Variants in BEST2 observed in about 807,000 individuals in gnomAD.
BEST2 encodes bestrophin-2a.
Under a neutral mutation model 49.0 loss-of-function variants are expected in BEST2, and 36 were observed. That is an observed-to-expected ratio of 0.73 (90% confidence interval 0.56 to 0.97). The LOEUF (loss-of-function observed/expected upper bound fraction) is 0.97, where lower values mean the gene tolerates loss of function less well. BEST2 is among the 50% of genes least tolerant of loss of function. The pLI, the probability that BEST2 is intolerant of heterozygous loss-of-function variation, is 0.00. For missense variants in BEST2, 672 were observed against 710.0 expected (o/e 0.95, Z 0.61); for synonymous variants, 335 against 304.4 (o/e 1.10, Z -1.05).
At position 12,757,754 on chromosome 19, in the gene BEST2, G is replaced by A. The variant is rs773939183; in HGVS notation, c.1207G>A (p.Gly403Ser). ...GCAGCGCCTCCTGCCGGCGGGCGCG[G>A]GCATGGTCGCGGGAGGCCCGCTGGG... ...FLQRLLPAGAGMVAGGPLGRR... is the reference protein window; with the variant it reads ...FLQRLLPAGASMVAGGPLGRR... The change falls in exon 10 of 10, where the codon GGC becomes AGC. Residue 403 changes from glycine to serine, a missense_variant. Physicochemically the swap from Gly to Ser is moderately conservative, Grantham distance 56. Around this residue, in one of 3 missense-constraint regions of BEST2, gnomAD observed 291 missense variants for 279.8 expected, o/e 1.04. Coordinates refer to ENST00000553030, the MANE Select transcript of BEST2 (RefSeq NM_017682.3). 1.9e-6 allele frequency: 3 copies of A among 1,544,500 alleles called. No homozygotes were observed. In the South Asian group the frequency reaches 3.6e-5, roughly 18 times the overall value.
At position 12,755,626 on chromosome 19, in the gene BEST2, C is replaced by A. The variant is rs200734846; in HGVS notation, c.726C>A (p.Ile242=). 2.5e-6 allele frequency: 4 copies of A among 1,613,854 alleles called. No individual in the cohort carries two copies. Among genetic ancestry groups the A allele is most frequent in the Non-Finnish European group, 1.7e-6 (2 of 1,179,954 alleles). Residue 242 remains isoleucine (I), a synonymous_variant, in exon 7 of 10, where the codon ATC becomes ATA. Transcript: ENST00000553030. This position sits in a 1 kb window ranked among gnomAD's most constrained non-coding sequence, Gnocchi z 4.4. The part of the protein sequence containing the change: ...VPLVYTQVVT[I]ALYSYFLACL... ...CCCGCCCTGCCCAGGTGGTGACCAT[C>A]GCACTGTACAGCTACTTCCTGGCTT...
At chr19:12,757,100 G>A (rs1195479156) in intron 9 of BEST2, among the ~76,000 whole-genome samples, 2 of 151,430 alleles carry the variant, frequency 1.3e-5, no homozygotes, top group East Asian at 1.9e-4. Flanking sequence ...CCGAGATTGC[G>A]CCATTGCACT....
intron 9 of BEST2, chr19:12,756,618 A>C (rs922387733): frequency 6.3e-6 from 2 of 316,296 alleles, no homozygotes; most frequent in South Asian, 3.7e-5. Context: ...CTGAGGCAGG[A>C]GGATCCTTTG....
chr19:12,753,379 G>C (rs370586141), intron 3 of BEST2, 25 bp downstream of exon 3: 5 of 1,602,330 alleles, frequency 3.1e-6, no homozygotes, highest in Non-Finnish European at 4.3e-6. Context: ...CAAGTCCCCC[G>C]TTCCCATGTC....
In BEST2 at chr19:12,755,167, G is replaced by C; in HGVS notation, c.636+136G>C. The C allele has an allele frequency of 8.2e-7, 1 of 1,214,986 alleles. No individual in the cohort carries two copies. The highest frequency in any genetic ancestry group is 1.1e-6 in the Non-Finnish European group (1 of 884,856). The allele number at this position is 1,214,986 out of a possible 1,614,324, so 75.3% of individuals were successfully genotyped here. The stretch of plus-strand genomic sequence containing the variant: ...TCACCAGGTGCACTCTTACCTCCAT[G>C]GGGCTGATTCCAATGCCCTTGAGGG... On this transcript the variant is annotated intron_variant, in intron 5 of 9. Transcript: ENST00000553030. The surrounding 1 kb of genome is among the most constrained non-coding windows in gnomAD (Gnocchi z 4.4).
intron 2 of BEST2, 141 bp from the exon 3 acceptor site, chr19:12,753,119 G>A: frequency 2.5e-6 from 2 of 786,180 alleles, no homozygotes; most frequent in South Asian, 3.3e-5. Flanking sequence ...CCAAAGTGCT[G>A]GGATTACAGG....
At chr19:12,757,584 G>T in intron 9 of BEST2, 67 bp from the exon 10 acceptor site, 1 of 1,475,990 alleles carries the variant, frequency 6.8e-7, no homozygotes. Flanking sequence ...GGAAATCAGC[G>T]CGCCTGGGAC....
chr19:12,752,571 G>A lies in BEST2; in HGVS notation c.-22G>A. On this transcript the variant is annotated 5_prime_UTR_variant, in exon 2 of 10. Coordinates refer to ENST00000553030, the MANE Select transcript of BEST2 (RefSeq NM_017682.3). ...CACCCGGGCCACCCACTCTCCCTTG[G>A]CCACACCTGCCGGGTGCCACGATGA... 1 of 1,609,192 alleles carries A rather than the reference G, an allele frequency of 6.2e-7. No individual in the cohort carries two copies. The highest frequency in any genetic ancestry group is 8.5e-7 in the Non-Finnish European group (1 of 1,178,610).
In BEST2 at chr19:12,754,765, T is replaced by C; in HGVS notation, c.461T>C (p.Ile154Thr). 5 of 1,586,700 alleles carry C rather than the reference T, an allele frequency of 3.2e-6. No homozygotes were observed. The highest frequency in any genetic ancestry group is 1.3e-5 in the African/African-American group (1 of 74,556). Residue 154 changes from isoleucine to threonine, a missense_variant, in exon 4 of 10, where the codon ATA (isoleucine) becomes ACA (threonine). By Grantham distance (89) the Ile-to-Thr change is moderately conservative. Around this residue, in one of 3 missense-constraint regions of BEST2, gnomAD observed 365 missense variants for 390.9 expected, o/e 0.93. Transcript: ENST00000553030. The part of the protein sequence containing the change: ...STAVFKRFPT[I>T]DHVVEAGFMT... The stretch of plus-strand genomic sequence containing the variant: ...GCGGTGTTCAAGCGCTTCCCCACCA[T>C]AGACCACGTGGTGGAGGCTGGTGAG...
Position 12,754,924 on chromosome 19 carries a change from T to C in BEST2, c.529T>C (p.Ser177Pro), listed in dbSNP as rs1967919476. The part of the protein sequence containing the change: ...ERKKFENLNS[S>P]YNKYWVPCVW... ...CAAGAAGTTTGAAAACCTGAACTCATCCTACAACAAGTACTGGGTGCCCTG... is the reference window on the plus strand; with the variant it reads ...CAAGAAGTTTGAAAACCTGAACTCACCCTACAACAAGTACTGGGTGCCCTG... The change falls in exon 5 of 10, where the codon TCC becomes CCC. Residue 177 changes from serine (S) to proline (P), a missense_variant. Coordinates refer to ENST00000553030, the MANE Select transcript of BEST2 (RefSeq NM_017682.3). 6.2e-7 allele frequency: 1 copy of C among 1,613,864 alleles called. No homozygotes were observed. The highest frequency in any genetic ancestry group is 2.2e-5 in the East Asian group (1 of 44,878).
chr19:12,755,961 T>G lies in BEST2; in HGVS notation c.948+26T>G. 6.2e-7 allele frequency: 1 copy of G among 1,610,952 alleles called. No individual in the cohort carries two copies. The highest frequency in any genetic ancestry group is 2.2e-5 in the East Asian group (1 of 44,870). On this transcript the variant is annotated intron_variant, in intron 8 of 9. Coordinates refer to ENST00000553030, the MANE Select transcript of BEST2 (RefSeq NM_017682.3). This position sits in a 1 kb window ranked among gnomAD's most constrained non-coding sequence, Gnocchi z 4.4. ...GTGAGACTCAGTTTCCAGGTGAGAC[T>G]TCCAGGTGGCGACCATCCCGGAGTG...
chr19:12,757,608 C>A (rs564305657), intron 9 of BEST2, 43 bp from the exon 10 acceptor site: 2 of 1,514,906 alleles, frequency 1.3e-6, no homozygotes, highest in African/African-American at 2.8e-5. Context: ...GCTCTGTCAA[C>A]AAGAGGCGAG....
Position 12,756,428 on chromosome 19 carries a change from G to A in BEST2, c.1103+133G>A, listed in dbSNP as rs143899087. 2.2e-5 allele frequency: 28 copies of A among 1,261,710 alleles called. 1 individual carries two copies. The African/African-American group carries it at 2.7e-4, about 12-fold the overall frequency. The allele number at this position is 1,261,710 out of a possible 1,614,324, so 78.2% of individuals were successfully genotyped here. A position where few individuals can be genotyped will look rare whatever the true frequency, so the allele number is the denominator to read the frequency against. On this transcript the variant is annotated intron_variant, in intron 9 of 9. Coordinates refer to ENST00000553030, the MANE Select transcript of BEST2 (RefSeq NM_017682.3). Reference sequence around the variant, plus strand: ...GCTAAAGTCTCAGGACTGTGATAACGCCAGAAGCTAAGATAGGAGTCAGGG... The same window carrying A: ...GCTAAAGTCTCAGGACTGTGATAACACCAGAAGCTAAGATAGGAGTCAGGG...
intron 9 of BEST2, among the ~76,000 whole-genome samples, chr19:12,757,104 T>C (rs1440497537): frequency 7.9e-5 from 11 of 139,648 alleles, no homozygotes; most frequent in South Asian, 2.4e-4. Context: ...GATTGCGCCA[T>C]TGCACTCCAG....
intron 8 of BEST2, 55 bp from the exon 9 acceptor site, chr19:12,756,086 G>A: frequency 1.9e-6 from 3 of 1,610,414 alleles, no homozygotes; most frequent in Non-Finnish European, 1.7e-6. Flanking sequence ...GGTCCACCCT[G>A]TGGTCCCGGC....
At position 12,754,138 on chromosome 19, in the gene BEST2, C is replaced by T. The variant is rs368531065; in HGVS notation, c.248-414C>T. 6.8e-4 allele frequency among the ~76,000 whole-genome samples: 85 copies of T among 124,312 alleles called. 2 individuals are homozygous for T. The South Asian group carries it at 0.021, about 31-fold the overall frequency. The allele number at this position is 124,312 out of a possible 152,430, so 81.6% of individuals were successfully genotyped here. A position where few individuals can be genotyped will look rare whatever the true frequency, so the allele number is the denominator to read the frequency against. Reference sequence around the variant, plus strand: ...TTGCCCAAGCTGGAGTGCAATGGTGCGATCTCAGCTCACTGCAACCTCCGC... The same window carrying T: ...TTGCCCAAGCTGGAGTGCAATGGTGTGATCTCAGCTCACTGCAACCTCCGC... On this transcript the variant is annotated intron_variant, in intron 3 of 9. Coordinates refer to ENST00000553030, the MANE Select transcript of BEST2 (RefSeq NM_017682.3).
Position 12,755,270 on chromosome 19 carries a change from C to A in BEST2, c.637-109C>A. On this transcript the variant is annotated intron_variant, in intron 5 of 9. Coordinates refer to ENST00000553030, the MANE Select transcript of BEST2 (RefSeq NM_017682.3). This position sits in a 1 kb window ranked among gnomAD's most constrained non-coding sequence, Gnocchi z 4.4. Reference sequence around the variant, plus strand: ...CCCTCCCTGGAACCCCCAAAGCACACTCCCAATTCCCACCAGGTGACCACC... The same window carrying A: ...CCCTCCCTGGAACCCCCAAAGCACAATCCCAATTCCCACCAGGTGACCACC... 2 of 1,239,194 alleles carry A rather than the reference C, an allele frequency of 1.6e-6. No homozygotes were observed. The highest frequency in any genetic ancestry group is 2.3e-6 in the Non-Finnish European group (2 of 853,478). 76.8% of individuals were successfully genotyped at this position (1,239,194 alleles called of 1,614,324 possible). A position where few individuals can be genotyped will look rare whatever the true frequency, so the allele number is the denominator to read the frequency against.
In BEST2 at chr19:12,756,136, C is replaced by G; in HGVS notation, c.949-5C>G. On this transcript the variant is annotated splice_region_variant and splice_polypyrimidine_tract_variant and intron_variant, in intron 8 of 9. Coordinates refer to ENST00000553030, the MANE Select transcript of BEST2 (RefSeq NM_017682.3). ...CCACTTTACCCTGTGTGTTTGCACCCGTAGGTGTCCATGCTGGCAGTGGAC... is the reference window on the plus strand; with the variant it reads ...CCACTTTACCCTGTGTGTTTGCACCGGTAGGTGTCCATGCTGGCAGTGGAC... 4 of 1,614,202 alleles carry G rather than the reference C, an allele frequency of 2.5e-6. No homozygotes were observed. The highest frequency in any genetic ancestry group is 3.4e-6 in the Non-Finnish European group (4 of 1,180,026).
At position 12,756,212 on chromosome 19, in the gene BEST2, A is replaced by G. The variant is rs745951424; in HGVS notation, c.1020A>G (p.Ala340=). Residue 340 remains alanine (A), a synonymous_variant, in exon 9 of 10, where the codon GCA becomes GCG. Coordinates refer to ENST00000553030, the MANE Select transcript of BEST2 (RefSeq NM_017682.3). ...AVLEKDLYWD[A]AEARAPYTAA... is the part of the protein sequence containing the mutation. ...TGGAGAAGGACTTGTACTGGGATGC[A>G]GCCGAGGCTCGCGCCCCATACACAG... The G allele has an allele frequency of 6.2e-7, 1 of 1,614,242 alleles. No individual in the cohort carries two copies. Among genetic ancestry groups the G allele is most frequent in the African/African-American group, 1.3e-5 (1 of 75,072 alleles).
Sources: allele counts gnomAD v4.1 joint callset (sites outside exome capture counted in the v4.1 genomes callset), GRCh38; gene constraint gnomAD v4.1.1; regional missense constraint gnomAD v4.1.1; non-coding constraint Gnocchi (gnomAD v3.1); transcripts MANE v1.5; gene names NCBI Gene and HGNC (gene_info 2026-07-23, HGNC 2026-07-21).